Variants in MTARC2 observed in about 807,000 individuals in gnomAD.
MTARC2 encodes the protein MOCO sulphurase C-terminal domain containing 2.
MTARC2 carries 27 observed loss-of-function variants against 35.6 expected under a neutral mutation model. The observed-to-expected ratio is 0.76, with a 90% confidence interval of 0.56 to 1.04. The LOEUF (loss-of-function observed/expected upper bound fraction) is 1.04, where lower values mean the gene tolerates loss of function less well. Among genes scored for constraint, MTARC2 ranks in the 50% least tolerant of loss-of-function variants. MTARC2 has a pLI of 0.00. For missense variants in MTARC2, 412 were observed against 432.5 expected, an observed-to-expected ratio of 0.95 and a Z score of 0.42; for synonymous variants, 158 against 167.1, an observed-to-expected ratio of 0.95 and a Z score of 0.42.
chr1:220,761,323 G>T (rs1049383303), intron 2 of MTARC2, among the ~76,000 whole-genome samples: 2 of 152,212 alleles, frequency 1.3e-5, no homozygotes, highest in Non-Finnish European at 2.9e-5. Context: ...TCTTGTGAAA[G>T]TGTCCTAAAT....
chr1:220,772,785 T>C (rs1671780637), intron 4 of MTARC2, among the ~76,000 whole-genome samples: 1 of 152,148 alleles, frequency 6.6e-6, no homozygotes, highest in Non-Finnish European at 1.5e-5. Flanking sequence ...AACCATGGCA[T>C]GGTCTTTCTT....
At position 220,776,665 on chromosome 1, in the gene MTARC2, G is replaced by A. The variant is rs115798624; in HGVS notation, c.751-3353G>A. Among the ~76,000 whole-genome samples, 1,120 of 152,262 alleles carry A rather than the reference G, an allele frequency of 7.4e-3. 19 individuals carry two copies. Among genetic ancestry groups the A allele is most frequent in the African/African-American group, 0.026 (1,081 of 41,558 alleles). ...ATCCAGACAATTTGCTCTTTTAAAC[G>A]CGGCCTTGCGGTTGTCTAACAGTGA... On this transcript the variant is annotated intron_variant, in intron 4 of 7. Coordinates refer to ENST00000366913, the MANE Select transcript of MTARC2 (RefSeq NM_017898.5).
At chr1:220,757,494 A>T (rs1426771273) in intron 2 of MTARC2, among the ~76,000 whole-genome samples, 2 of 152,252 alleles carry the variant, frequency 1.3e-5, no homozygotes, top group African/African-American at 4.8e-5. Flanking sequence ...CTGTGACAAA[A>T]TACCATAGTC....
intron 4 of MTARC2, among the ~76,000 whole-genome samples, chr1:220,765,354 A>T (rs2102555352): frequency 6.6e-6 from 1 of 152,336 alleles, no homozygotes; most frequent in East Asian, 1.9e-4. Context: ...GGAGGCCACC[A>T]CACCAAGGAG....
At chr1:220,775,607 G>T (rs1671879457) in intron 4 of MTARC2, among the ~76,000 whole-genome samples, 1 of 152,146 alleles carries the variant, frequency 6.6e-6, no homozygotes, top group Non-Finnish European at 1.5e-5. Context: ...TGAGGGTTTG[G>T]TGTACAGATT....
rs141980630 is a variant in MTARC2, at chr1:220,776,732, G to T, written c.751-3286G>T. ...GAATTTGTCAGACTCCCTGCCTTCT[G>T]TCATAATAACGACGCAGAATTGCCA... On this transcript the variant is annotated intron_variant, in intron 4 of 7. Coordinates refer to ENST00000366913, the MANE Select transcript of MTARC2 (RefSeq NM_017898.5). Among the ~76,000 whole-genome samples, 215 of 152,310 alleles carry T rather than the reference G, an allele frequency of 1.4e-3. 3 individuals carry two copies. Among genetic ancestry groups the T allele is most frequent in the African/African-American group, 4.8e-3 (198 of 41,560 alleles).
Position 220,761,823 on chromosome 1 carries a change from G to A in MTARC2, c.609+3G>A, listed in dbSNP as rs1383180176. 2 of 1,600,964 alleles carry A rather than the reference G, an allele frequency of 1.2e-6. No individual in the cohort carries two copies. The highest frequency in any genetic ancestry group is 2.2e-5 in the East Asian group (1 of 44,812). ...CCACTCTTGATCAGAATTTCCAGGT[G>A]AGCTTACAGAGAGTTTACCTTCACT... On this transcript the variant is annotated splice_donor_region_variant and intron_variant, in intron 3 of 7. Coordinates refer to ENST00000366913, the MANE Select transcript of MTARC2 (RefSeq NM_017898.5).
At chr1:220,769,422 G>A (rs1387685240) in intron 4 of MTARC2, among the ~76,000 whole-genome samples, 2 of 152,208 alleles carry the variant, frequency 1.3e-5, no homozygotes, top group South Asian at 2.1e-4. Context: ...TGCACATCGG[G>A]CCAGCGGACA....
rs1671041162 is a variant in MTARC2, at chr1:220,748,563, G to C, written c.32G>C (p.Arg11Pro). The C allele has an allele frequency of 1.4e-6, 2 of 1,440,150 alleles. No individual in the cohort carries two copies. The highest frequency in any genetic ancestry group is 1.8e-6 in the Non-Finnish European group (2 of 1,105,194). 89.2% of individuals were successfully genotyped at this position (1,440,150 alleles called of 1,614,324 possible). ...GCTTCCAGCTCCTCCGCGCTGGCCC[G>C]CCTCGGCCTCCCAGCCCGGCCCTGG... MGASSSSALA[R>P]LGLPARPWPR... Residue 11 changes from arginine (R) to proline (P), a missense_variant, in exon 1 of 8, where the codon CGC becomes CCC. Physicochemically the swap from Arg to Pro is moderately radical, Grantham distance 103 (BLOSUM62 -2). Transcript: ENST00000366913.
intron 4 of MTARC2, among the ~76,000 whole-genome samples, chr1:220,765,801 TG>T (rs1253457685): frequency 6.6e-6 from 1 of 152,196 alleles, no homozygotes; most frequent in Non-Finnish European, 1.5e-5. Flanking sequence ...AGGCTGGTCT[TG>T]AACTCCTGGA....
intron 4 of MTARC2, among the ~76,000 whole-genome samples, chr1:220,773,749 T>C (rs1254967748): frequency 2.6e-5 from 4 of 152,108 alleles, no homozygotes; most frequent in Non-Finnish European, 5.9e-5. Context: ...ATGAACTATC[T>C]AGACAAAAAT....
chr1:220,782,572 C>G (rs530673485), intron 7 of MTARC2, among the ~76,000 whole-genome samples: 2 of 152,292 alleles, frequency 1.3e-5, no homozygotes, highest in South Asian at 2.1e-4. Flanking sequence ...AGATTTTAAG[C>G]AAGTTTTCTC....
rs746143693 is a variant in MTARC2 at position 220,761,696 on chromosome 1, A to G, written c.485A>G (p.Asn162Ser). 3 of 1,614,064 alleles carry G rather than the reference A, an allele frequency of 1.9e-6. No homozygotes were observed. The highest frequency in any genetic ancestry group is 1.7e-6 in the Non-Finnish European group (2 of 1,179,984). The change falls in exon 3 of 8, where the codon AAT (asparagine) becomes AGT (serine). Residue 162 changes from asparagine to serine, a missense_variant. By Grantham distance (46) the Asn-to-Ser change is conservative (BLOSUM62 1). Coordinates refer to ENST00000366913, the MANE Select transcript of MTARC2 (RefSeq NM_017898.5). ...GACATTAAAGGCAGAGACTGTGGCA[A>G]TGAGGCAGCTAAGTGGTTCACCAAC... is the stretch of plus-strand genomic sequence containing the variant. ...GLDIKGRDCG[N>S]EAAKWFTNFL...
chr1:220,754,646 G>C (rs61229820), intron 1 of MTARC2, among the ~76,000 whole-genome samples: 272 of 152,266 alleles, frequency 1.8e-3, no homozygotes, highest in African/African-American at 6.3e-3. Flanking sequence ...CAAGCAGCAG[G>C]GTTGACTAAG....
intron 4 of MTARC2, among the ~76,000 whole-genome samples, chr1:220,771,296 C>CA (rs57776178): frequency 0.051 from 2,836 of 55,982 alleles, 281 homozygotes; most frequent in African/African-American, 0.12. Flanking sequence ...GAGACTGTCT[C>CA]AAAAAAAAAA....
rs745729971 is a variant in MTARC2, at chr1:220,780,082, A to T, written c.812+3A>T. The T allele has an allele frequency of 6.4e-7, 1 of 1,558,660 alleles. No individual in the cohort carries two copies. The highest frequency in any genetic ancestry group is 1.2e-5 in the South Asian group (1 of 80,868). ...AAAAAGGTAATGGCATGCCCCAGGT[A>T]AGGAGCCTAGCTAGACCCCAGGACT... On this transcript the variant is annotated splice_donor_region_variant and intron_variant, in intron 5 of 7. Transcript: ENST00000366913.
At chr1:220,749,592 G>T (rs1389462718) in intron 1 of MTARC2, among the ~76,000 whole-genome samples, 1 of 151,878 alleles carries the variant, frequency 6.6e-6, no homozygotes, top group Non-Finnish European at 1.5e-5. Context: ...CACCACGCCC[G>T]GCTAATTTTT....
At chr1:220,752,679 T>G (rs997628470) in intron 1 of MTARC2, among the ~76,000 whole-genome samples, 1 of 151,834 alleles carries the variant, frequency 6.6e-6, no homozygotes, top group Non-Finnish European at 1.5e-5. Flanking sequence ...GGACCCCATC[T>G]CTACAAAAAA....
intron 2 of MTARC2, among the ~76,000 whole-genome samples, chr1:220,758,921 G>A (rs575015284): frequency 5.0e-4 from 76 of 152,090 alleles, no homozygotes; most frequent in African/African-American, 1.8e-3. Context: ...GCACTTAACT[G>A]GATATTAGGT....
Sources: gnomAD v4.1 joint callset for allele counts (sites outside exome capture counted in the v4.1 genomes callset) on GRCh38, gnomAD v4.1.1 for gene constraint, MANE v1.5 for transcripts, NCBI Gene and HGNC (gene_info 2026-07-23, HGNC 2026-07-21) for gene names.